Variants in ASB6 observed in about 807,000 individuals in gnomAD.
ASB6 encodes ankyrin repeat and SOCS box protein 6.
In ASB6, 24 loss-of-function variants were observed where a neutral mutation model predicts 28.6. That is an observed-to-expected ratio of 0.84 (90% confidence interval 0.61 to 1.18). The LOEUF is 1.18. Ranked by LOEUF, ASB6 falls within the 50% of genes most tolerant of loss-of-function variation. The pLI is 0.00. For missense variants in ASB6, 519 were observed against 559.8 expected, an observed-to-expected ratio of 0.93 and a Z score of 0.74; for synonymous variants, 267 against 243.4, an observed-to-expected ratio of 1.10 and a Z score of -0.90.
At position 129,642,100 on chromosome 9, in the gene ASB6, C is replaced by A; in HGVS notation, c.-101G>T. On this transcript the variant is annotated 5_prime_UTR_variant, in exon 1 of 6. Coordinates refer to ENST00000277458, the MANE Select transcript of ASB6 (RefSeq NM_017873.4). This position sits in a 1 kb window ranked among gnomAD's most constrained non-coding sequence, Gnocchi z 4.3. The stretch of plus-strand genomic sequence containing the variant: ...CCGGCGGCCGCGGACCCCACCTGCT[C>A]CGCCAGTCCAGCCCCTGCGCCCGGC... 1 of 1,399,868 alleles carries A rather than the reference C, an allele frequency of 7.1e-7. No homozygotes were observed. The highest frequency in any genetic ancestry group is 9.3e-7 in the Non-Finnish European group (1 of 1,076,774). The allele number at this position is 1,399,868 out of a possible 1,614,324, so 86.7% of individuals were successfully genotyped here. A position where few individuals can be genotyped will look rare whatever the true frequency, so the allele number is the denominator to read the frequency against.
At chr9:129,638,489 A>C in intron 5 of ASB6, 32 bp from the exon 6 acceptor site, 7 of 1,608,064 alleles carry the variant, frequency 4.4e-6, no homozygotes, top group Non-Finnish European at 6.0e-6. Flanking sequence ...AGATGCTGGG[A>C]GAAGGCCTTC....
chr9:129,641,128 AC>A (rs1197519382), intron 1 of ASB6: 1 of 211,742 alleles, frequency 4.7e-6, no homozygotes, highest in Non-Finnish European at 9.5e-6. Flanking sequence ...CCCCGGCAAC[AC>A]CTGCAGCCAG....
intron 1 of ASB6, among the ~76,000 whole-genome samples, 187 bp from the exon 2 acceptor site, chr9:129,640,909 C>G (rs749428831): frequency 6.6e-6 from 1 of 152,192 alleles, no homozygotes; most frequent in Non-Finnish European, 1.5e-5. Context: ...AATACGGGAG[C>G]AGACTGGGAT....
At position 129,640,430 on chromosome 9, in the gene ASB6, G is replaced by A. The variant is rs144164551; in HGVS notation, c.295+111C>T. ...GTTGCAGCCACCCAGGAAATAAAGG[G>A]GGGGAAGTCACTCCTCAGAGGATGG... is the stretch of plus-strand genomic sequence containing the variant. On this transcript the variant is annotated intron_variant, in intron 2 of 5. Transcript: ENST00000277458. 7 of 1,396,554 alleles carry A rather than the reference G, an allele frequency of 5.0e-6. No individual in the cohort carries two copies. The African/African-American group carries it at 7.3e-5, about 15-fold the overall frequency. The allele number at this position is 1,396,554 out of a possible 1,614,324, so 86.5% of individuals were successfully genotyped here. A position where few individuals can be genotyped will look rare whatever the true frequency, so the allele number is the denominator to read the frequency against.
At position 129,635,137 on chromosome 9, in the gene ASB6, G is replaced by A; in HGVS notation, c.*2653C>T. On this transcript the variant is annotated 3_prime_UTR_variant, in exon 6 of 6. Coordinates refer to ENST00000277458, the MANE Select transcript of ASB6 (RefSeq NM_017873.4). Reference sequence around the variant, plus strand: ...CAAATGAGGGGCTCAGCGGGGCTGAGAAGTACATCCCATCCAGTGCCGACA... The same window carrying A: ...CAAATGAGGGGCTCAGCGGGGCTGAAAAGTACATCCCATCCAGTGCCGACA... 2 of 1,543,342 alleles carry A rather than the reference G, an allele frequency of 1.3e-6. No individual in the cohort carries two copies. Among genetic ancestry groups the A allele is most frequent in the Non-Finnish European group, 1.7e-6 (2 of 1,145,434 alleles).
In ASB6 at chr9:129,640,591, G is replaced by A. The variant is rs758676370; in HGVS notation, c.245C>T (p.Thr82Met). ...CCGCAAGAGAACGTCGGCCGCCCGC[G>A]TCAGCCCCAGCTCAGCCATCTTGAG... is the stretch of plus-strand genomic sequence containing the variant. ...ALLKMAELGL[T>M]RAADVLLRHG... The change falls in exon 2 of 6, where the codon ACG (threonine) becomes ATG (methionine). Residue 82 changes from threonine to methionine, a missense_variant. Thr to Met is a moderately conservative substitution (Grantham distance 81, BLOSUM62 -1). Transcript: ENST00000277458. 17 of 1,613,190 alleles carry A rather than the reference G, an allele frequency of 1.1e-5. No homozygotes were observed. In the Admixed American group the frequency reaches 1.7e-4, roughly 16 times the overall value.
Position 129,637,376 on chromosome 9 carries a change from C to T in ASB6, c.*414G>A. The stretch of plus-strand genomic sequence containing the variant: ...GGGCAGGGGTGGGGCCTTGGTGGCA[C>T]CGCACAGGACGTGCCCCAGGCTTCC... On this transcript the variant is annotated 3_prime_UTR_variant, in exon 6 of 6. Transcript: ENST00000277458. The T allele has an allele frequency of 6.3e-6, 1 of 159,820 alleles. No individual in the cohort carries two copies. Among genetic ancestry groups the T allele is most frequent in the Non-Finnish European group, 1.4e-5 (1 of 73,386 alleles). 9.9% of individuals were successfully genotyped at this position (159,820 alleles called of 1,614,324 possible).
In ASB6 at chr9:129,635,609, C is replaced by A; in HGVS notation, c.*2181G>T. 1 of 1,061,136 alleles carries A rather than the reference C, an allele frequency of 9.4e-7. No individual in the cohort carries two copies. Among genetic ancestry groups the A allele is most frequent in the Non-Finnish European group, 1.4e-6 (1 of 735,346 alleles). The allele number at this position is 1,061,136 out of a possible 1,614,324, so 65.7% of individuals were successfully genotyped here. A position where few individuals can be genotyped will look rare whatever the true frequency, so the allele number is the denominator to read the frequency against. On this transcript the variant is annotated 3_prime_UTR_variant, in exon 6 of 6. Transcript: ENST00000277458. ...GTCTGCCGTCCACTCATTATGCGGGCTCTTCTTCAAAAGGCAAGGTGGGAC... is the reference window on the plus strand; with the variant it reads ...GTCTGCCGTCCACTCATTATGCGGGATCTTCTTCAAAAGGCAAGGTGGGAC...
intron 2 of ASB6, among the ~76,000 whole-genome samples, chr9:129,639,922 CCAG>C (rs899383043): frequency 6.6e-6 from 1 of 152,194 alleles, no homozygotes; most frequent in Admixed American, 6.5e-5. Flanking sequence ...CTCCAGGAGC[CCAG>C]CAGACTCCAA....
At chr9:129,640,961 G>A (rs898863370) in intron 1 of ASB6, 4 of 521,588 alleles carry the variant, frequency 7.7e-6, no homozygotes, top group Admixed American at 3.8e-5. Flanking sequence ...CTCCTCCCGC[G>A]TTGCCCAGAG....
rs368071324 is a variant in ASB6 at position 129,636,546 on chromosome 9, A to G, written c.*1244T>C. The stretch of plus-strand genomic sequence containing the variant: ...ACCCCGTCTCTACTAAAAATACAAA[A>G]ATCAGCCAGGCATGGTGGTGGGCAC... On this transcript the variant is annotated 3_prime_UTR_variant, in exon 6 of 6. Transcript: ENST00000277458. 1 of 151,344 alleles carries G rather than the reference A, an allele frequency of 6.6e-6. No individual in the cohort carries two copies. The highest frequency in any genetic ancestry group is 1.9e-4 in the East Asian group (1 of 5,150). 9.4% of individuals were successfully genotyped at this position (151,344 alleles called of 1,614,324 possible). A position where few individuals can be genotyped will look rare whatever the true frequency, so the allele number is the denominator to read the frequency against.
In ASB6 at chr9:129,636,132, C is replaced by T. The variant is rs1831539635; in HGVS notation, c.*1658G>A. The T allele has an allele frequency of 6.6e-6, 1 of 152,232 alleles. No individual in the cohort carries two copies. The allele number at this position is 152,232 out of a possible 1,614,324, so 9.4% of individuals were successfully genotyped here. A position where few individuals can be genotyped will look rare whatever the true frequency, so the allele number is the denominator to read the frequency against. On this transcript the variant is annotated 3_prime_UTR_variant, in exon 6 of 6. Coordinates refer to ENST00000277458, the MANE Select transcript of ASB6 (RefSeq NM_017873.4). ...GGGCGCGGTGGCTCACGCCTGTAATCCCAGCACTTTGGGAGGCCGAGGCGG... is the reference window on the plus strand; with the variant it reads ...GGGCGCGGTGGCTCACGCCTGTAATTCCAGCACTTTGGGAGGCCGAGGCGG...
At position 129,639,462 on chromosome 9, in the gene ASB6, G is replaced by T. The variant is rs1168650376; in HGVS notation, c.342C>A (p.Asn114Lys). The T allele has an allele frequency of 6.2e-7, 1 of 1,613,944 alleles. No individual in the cohort carries two copies. The change falls in exon 3 of 6, where the codon AAC becomes AAA. Residue 114 changes from asparagine (N) to lysine (K), a missense_variant. Transcript: ENST00000277458. ...CCAGCAGCTCCACCATGTCCGGCTG[G>T]TTCCGCAGGACGGCGATGTGCAAGG... ...YTALHIAVLR[N>K]QPDMVELLVH... is the part of the protein sequence containing the mutation.
intron 2 of ASB6, 172 bp downstream of exon 2, chr9:129,640,369 C>T (rs1016945167): frequency 1.2e-5 from 10 of 851,896 alleles, no homozygotes; most frequent in African/African-American, 8.8e-5. Flanking sequence ...TGAAAACCCG[C>T]AGGGGGTGGG....
Position 129,638,115 on chromosome 9 carries a change from G to T in ASB6, c.941C>A (p.Thr314Lys). 1 of 1,614,124 alleles carries T rather than the reference G, an allele frequency of 6.2e-7. No homozygotes were observed. ...GAGGTCCGCATGGCTCTCGTCTTCC[G>T]TGCAGCCTGGGTGGGAACAGAGCCT... ...FERLCSHPGC[T>K]EDESHADLLR... is the part of the protein sequence containing the mutation. The change falls in exon 6 of 6, where the codon ACG becomes AAG. Residue 314 changes from threonine (T) to lysine (K), a missense_variant. Physicochemically the swap from Thr to Lys is moderately conservative, Grantham distance 78. Transcript: ENST00000277458.
At position 129,635,535 on chromosome 9, in the gene ASB6, G is replaced by A; in HGVS notation, c.*2255C>T. On this transcript the variant is annotated 3_prime_UTR_variant, in exon 6 of 6. Transcript: ENST00000277458. Reference sequence around the variant, plus strand: ...GGAGCTGGCAGCTGGGCAAGATCCAGGCGCCACGCTGGCGGTTCGTGAGTG... The same window carrying A: ...GGAGCTGGCAGCTGGGCAAGATCCAAGCGCCACGCTGGCGGTTCGTGAGTG... 1 of 1,538,828 alleles carries A rather than the reference G, an allele frequency of 6.5e-7. No individual in the cohort carries two copies. Among genetic ancestry groups the A allele is most frequent in the Non-Finnish European group, 8.8e-7 (1 of 1,138,702 alleles).
At position 129,638,046 on chromosome 9, in the gene ASB6, GAGTTGGTC is replaced by G; in HGVS notation, c.1002_1009del (p.Thr335SerfsTer74). 1 of 1,614,194 alleles carries G rather than the reference GAGTTGGTC, an allele frequency of 6.2e-7. No homozygotes were observed. The highest frequency in any genetic ancestry group is 8.5e-7 in the Non-Finnish European group (1 of 1,180,034). ...GTTTTCGGGCAGCTGGAGTTTCTGAGAGTTGGTCACCATGAGATCCAGGACAGTCTCAG... is the reference window on the plus strand; with the variant it reads ...GTTTTCGGGCAGCTGGAGTTTCTGAGACCATGAGATCCAGGACAGTCTCAG... On this transcript the variant is annotated frameshift_variant, in exon 6 of 6. Coordinates refer to ENST00000277458, the MANE Select transcript of ASB6 (RefSeq NM_017873.4). LOFTEE classifies it high-confidence loss of function.
rs368515357 is a variant in ASB6, at chr9:129,638,653, G to T, written c.518C>A (p.Thr173Asn). 3 of 1,612,324 alleles carry T rather than the reference G, an allele frequency of 1.9e-6. No individual in the cohort carries two copies. Among genetic ancestry groups the T allele is most frequent in the Non-Finnish European group, 1.7e-6 (2 of 1,179,362 alleles). Reference sequence around the variant, plus strand: ...GCTGGCCAGAGCATGGAGCAGAGCAGTTTTTCCTAGGGAGGGAGGGAGAGC... The same window carrying T: ...GCTGGCCAGAGCATGGAGCAGAGCATTTTTTCCTAGGGAGGGAGGGAGAGC... ...DVNAADKHGK[T>N]ALLHALASSD... The change falls in exon 5 of 6, where the codon ACT (threonine) becomes AAT (asparagine). Residue 173 changes from threonine to asparagine, a missense_variant. Transcript: ENST00000277458.
At chr9:129,641,370 A>C (rs1831694082) in intron 1 of ASB6, 1 of 153,938 alleles carries the variant, frequency 6.5e-6, no homozygotes, top group Non-Finnish European at 1.4e-5. Flanking sequence ...TCTCCTCTGG[A>C]GCACATGCGC....
Sources: allele counts gnomAD v4.1 joint callset (sites outside exome capture counted in the v4.1 genomes callset), GRCh38; gene constraint gnomAD v4.1.1; non-coding constraint Gnocchi (gnomAD v3.1); transcripts MANE v1.5; gene names NCBI Gene and HGNC (gene_info 2026-07-23, HGNC 2026-07-21).